MYO16: variants seen among roughly 807,000 people sequenced by gnomAD.
MYO16 encodes myosin XVI.
MYO16 carries 94 observed loss-of-function variants against 205.3 expected under a neutral mutation model. The ratio of observed to expected loss-of-function variants is 0.46; its 90% CI spans 0.39 to 0.54. The LOEUF is 0.54. Ranked by LOEUF, MYO16 falls within the 20% of genes least tolerant of loss-of-function variation. The pLI, the probability that MYO16 is intolerant of heterozygous loss-of-function variation, is 0.00. For synonymous variants in MYO16, 988 were observed against 954.0 expected (o/e 1.04, Z -0.66); for missense variants, 2,315 against 2,387.5 (o/e 0.97, Z 0.63).
At position 108,712,695 on chromosome 13, in the gene MYO16, C is replaced by T. The variant is rs1203615128; in HGVS notation, c.327C>T (p.His109=). 3 of 1,614,170 alleles carry T rather than the reference C, an allele frequency of 1.9e-6. No individual in the cohort carries two copies. Among genetic ancestry groups the T allele is most frequent in the Admixed American group, 3.3e-5 (2 of 60,024 alleles). The change falls in exon 3 of 35, where the codon CAC becomes CAT. Residue 109 remains histidine, a synonymous_variant. Coordinates refer to ENST00000457511, the MANE Select transcript of MYO16 (RefSeq NM_001198950.3). ...LRLLKEGADP[H]TLVSSGGSLL... is the part of the protein sequence containing the mutation. ...TCCTGAAGGAGGGGGCAGACCCCCA[C>T]ACCCTCGTCTCCTCGGGAGGGTCCC...
intron 13 of MYO16, among the ~76,000 whole-genome samples, chr13:108,885,792 G>T (rs1594369760): frequency 6.6e-6 from 1 of 152,120 alleles, no homozygotes; most frequent in Admixed American, 6.5e-5. Flanking sequence ...CCTGAGCAAG[G>T]CTCTAAGGGG....
chr13:108,798,996 C>T (rs196131), intron 6 of MYO16, among the ~76,000 whole-genome samples: 13,542 of 149,546 alleles, frequency 0.091, 740 homozygotes, highest in Non-Finnish European at 0.13. Flanking sequence ...TGAGCCACCG[C>T]GCCCGGCCCC....
At chr13:108,628,921 CAACTT>C (rs1035834482), upstream of MYO16, among the ~76,000 whole-genome samples, 1 of 152,146 alleles carries the variant, frequency 6.6e-6, no homozygotes, top group Non-Finnish European at 1.5e-5. Context: ...AATTTGTAAA[CAACTT>C]AAAATATAAC....
upstream of MYO16, among the ~76,000 whole-genome samples, chr13:108,591,847 TG>T (rs1405986439): frequency 6.6e-6 from 1 of 152,104 alleles, no homozygotes; most frequent in African/African-American, 2.4e-5. Flanking sequence ...GAGTATAACA[TG>T]GCTGAGTGTA....
At chr13:108,562,809 C>G in the MYO16 span, among the ~76,000 whole-genome samples, 5 of 152,130 alleles carry the variant, frequency 3.3e-5, no homozygotes, top group African/African-American at 1.2e-4. Flanking sequence ...ATAGGCTATA[C>G]CATATGGCTT....
intron 3 of MYO16, among the ~76,000 whole-genome samples, chr13:108,713,884 C>A (rs1475360619): frequency 3.3e-5 from 5 of 152,162 alleles, no homozygotes; most frequent in African/African-American, 1.2e-4. Flanking sequence ...CTCTGTTTTA[C>A]ACTCAGATCC....
chr13:109,038,082 CAGTG>C (rs1173711154), intron 23 of MYO16, among the ~76,000 whole-genome samples: 2 of 152,180 alleles, frequency 1.3e-5, no homozygotes, highest in Admixed American at 6.5e-5. Flanking sequence ...TTTCTGTAGA[CAGTG>C]AGGATTTATC....
chr13:108,526,046 T>C, the MYO16 span, among the ~76,000 whole-genome samples: 2 of 151,970 alleles, frequency 1.3e-5, no homozygotes, highest in African/African-American at 2.4e-5. Context: ...AACACATACA[T>C]GGATGACCAA....
the MYO16 span, among the ~76,000 whole-genome samples, chr13:108,519,012 TAG>T: frequency 6.6e-6 from 1 of 152,110 alleles, no homozygotes; most frequent in Non-Finnish European, 1.5e-5. Flanking sequence ...TTCAAAAGAA[TAG>T]AGACACCAAC....
intron 22 of MYO16, among the ~76,000 whole-genome samples, chr13:109,011,100 C>A (rs1175064073): frequency 6.6e-6 from 1 of 151,794 alleles, no homozygotes; most frequent in Non-Finnish European, 1.5e-5. Flanking sequence ...CTTTCTTCTT[C>A]AAATTCCTTT....
chr13:108,868,955 T>C (rs1388904842), intron 12 of MYO16, among the ~76,000 whole-genome samples: 2 of 151,986 alleles, frequency 1.3e-5, no homozygotes, highest in Non-Finnish European at 2.9e-5. Flanking sequence ...GGACATTATG[T>C]TGGCACTTTT....
chr13:108,719,461 TCTACC>T (rs1437331126), intron 3 of MYO16, among the ~76,000 whole-genome samples: 1 of 152,058 alleles, frequency 6.6e-6, no homozygotes, highest in African/African-American at 2.4e-5. Context: ...TTTGGGGAGC[TCTACC>T]GAGACGGGCC....
chr13:109,179,508 C>CTTG, intron 33 of MYO16, 34 bp from the exon 34 acceptor site: 1 of 1,411,024 alleles, frequency 7.1e-7, no homozygotes, highest in African/African-American at 1.4e-5. Context: ...CAAGGAGACA[C>CTTG]TGCTTAACTC....
intron 4 of MYO16, among the ~76,000 whole-genome samples, chr13:108,770,604 A>G (rs538581304): frequency 6.6e-6 from 1 of 152,260 alleles, no homozygotes; most frequent in Non-Finnish European, 1.5e-5. Flanking sequence ...CAAAGTTACC[A>G]CCTCATAACT....
At chr13:108,618,819 C>A (rs1879439168) in intron 1 of MYO16, among the ~76,000 whole-genome samples, 1 of 152,128 alleles carries the variant, frequency 6.6e-6, no homozygotes, top group Non-Finnish European at 1.5e-5. Flanking sequence ...TCACTATTTA[C>A]AACACTTAAA....
intron 1 of MYO16, among the ~76,000 whole-genome samples, chr13:108,642,681 G>A (rs1480276219): frequency 6.6e-6 from 1 of 152,190 alleles, no homozygotes; most frequent in African/African-American, 2.4e-5. Flanking sequence ...GCCTCCCAAA[G>A]TGCTGGGATT....
intron 1 of MYO16, among the ~76,000 whole-genome samples, chr13:108,630,987 G>A (rs1235375612): frequency 1.3e-5 from 2 of 152,130 alleles, no homozygotes; most frequent in African/African-American, 2.4e-5. Flanking sequence ...GGATTCACTG[G>A]TCATCTCGTA....
chr13:108,644,757 A>G (rs1199748418), intron 1 of MYO16, among the ~76,000 whole-genome samples: 1 of 152,226 alleles, frequency 6.6e-6, no homozygotes, highest in African/African-American at 2.4e-5. Context: ...GGTAGTGTCA[A>G]TGAAGGCCAT....
chr13:108,868,725 A>G (rs551940914), intron 12 of MYO16, among the ~76,000 whole-genome samples: 1 of 152,246 alleles, frequency 6.6e-6, no homozygotes, highest in East Asian at 1.9e-4. Context: ...GTTCAAGACC[A>G]GCCTGGCCAA....
Sources: gnomAD v4.1 joint callset for allele counts (sites outside exome capture counted in the v4.1 genomes callset) on GRCh38, gnomAD v4.1.1 for gene constraint, MANE v1.5 for transcripts, NCBI Gene and HGNC (gene_info 2026-07-23, HGNC 2026-07-21) for gene names.